The following DYNC1I1 variants were observed in gnomAD, a reference collection of about 807,000 sequenced individuals.
The protein encoded by DYNC1I1 is dynein cytoplasmic 1 intermediate chain 1, also known as cytoplasmic dynein 1 intermediate chain 1.
A neutral mutation model predicts 86.6 loss-of-function variants in DYNC1I1; 43 were observed. The ratio of observed to expected loss-of-function variants is 0.50; its 90% CI spans 0.39 to 0.64. The LOEUF (loss-of-function observed/expected upper bound fraction) is 0.64, where lower values mean the gene tolerates loss of function less well. Ranked by LOEUF, DYNC1I1 falls within the 30% of genes least tolerant of loss-of-function variation. The pLI, the probability that DYNC1I1 is intolerant of heterozygous loss-of-function variation, is 0.00. For synonymous variants in DYNC1I1, 262 were observed against 283.7 expected, an observed-to-expected ratio of 0.92 and a Z score of 0.77; for missense variants, 604 against 788.8, an observed-to-expected ratio of 0.77 and a Z score of 2.81.
chr7:95,820,830 G>A (rs943728605), intron 4 of DYNC1I1, among the ~76,000 whole-genome samples: 9 of 152,208 alleles, frequency 5.9e-5, no homozygotes, highest in Non-Finnish European at 1.2e-4. Context: ...CTCCTGCCTC[G>A]GCCTCCCAAA....
At chr7:95,776,048 C>G (rs1054599894) in intron 1 of DYNC1I1, among the ~76,000 whole-genome samples, 1 of 152,130 alleles carries the variant, frequency 6.6e-6, no homozygotes, top group Admixed American at 6.6e-5. Context: ...GAGTTAGAGA[C>G]CAGGCTGGAG....
At chr7:95,992,516 C>G (rs73397053) in intron 9 of DYNC1I1, among the ~76,000 whole-genome samples, 2,148 of 152,236 alleles carry the variant, frequency 0.014, 46 homozygotes, top group African/African-American at 0.049. Context: ...AATGAGTAAA[C>G]CATTGCCTAC....
chr7:95,879,384 T>G lies in DYNC1I1; in HGVS notation c.490+9386T>G, dbSNP rs937788578. Reference sequence around the variant, plus strand: ...TACAGAAATTCTCCATTGTTCTTTTTTTTTGCTGAAATCCTGTAGTCTATA... The same window carrying G: ...TACAGAAATTCTCCATTGTTCTTTTGTTTTGCTGAAATCCTGTAGTCTATA... On this transcript the variant is annotated intron_variant, in intron 6 of 16. Coordinates refer to ENST00000447467, the MANE Select transcript of DYNC1I1 (RefSeq NM_001135556.2). Among the ~76,000 whole-genome samples the G allele has an allele frequency of 2.8e-4, 43 of 152,124 alleles. 1 individual carries two copies. The highest frequency in any genetic ancestry group is 5.4e-4 in the Non-Finnish European group (37 of 68,000).
chr7:95,875,186 T>C (rs1790277444), intron 6 of DYNC1I1, among the ~76,000 whole-genome samples: 1 of 152,220 alleles, frequency 6.6e-6, no homozygotes, highest in African/African-American at 2.4e-5. Flanking sequence ...GATCTATTTT[T>C]ATATCCTTCC....
chr7:96,043,636 G>A (rs554581078), intron 14 of DYNC1I1, among the ~76,000 whole-genome samples: 1 of 151,902 alleles, frequency 6.6e-6, no homozygotes, highest in African/African-American at 2.4e-5. Context: ...GCAACCAGGT[G>A]AAAAACTTTA....
intron 6 of DYNC1I1, among the ~76,000 whole-genome samples, chr7:95,946,124 G>A (rs1377140945): frequency 6.6e-6 from 1 of 151,980 alleles, no homozygotes. Flanking sequence ...GATGCAGGGA[G>A]GGGAACAACA....
At chr7:95,863,939 C>A (rs1789955055) in intron 5 of DYNC1I1, among the ~76,000 whole-genome samples, 1 of 152,154 alleles carries the variant, frequency 6.6e-6, no homozygotes, top group African/African-American at 2.4e-5. Flanking sequence ...AAATATCATT[C>A]ACGTTTTTCT....
In DYNC1I1 at chr7:95,959,973, T is replaced by C. The variant is rs142400088; in HGVS notation, c.491-17539T>C. Among the ~76,000 whole-genome samples, 789 of 152,316 alleles carry C rather than the reference T, an allele frequency of 5.2e-3. 9 individuals carry two copies. Among genetic ancestry groups the C allele is most frequent in the African/African-American group, 0.017 (720 of 41,576 alleles). On this transcript the variant is annotated intron_variant, in intron 6 of 16. Transcript: ENST00000447467. ...GCATGTAGATTAAATGGTTGAAATA[T>C]AGATTCCCCTAAGCGGACTTGTGCA... is the stretch of plus-strand genomic sequence containing the variant.
At chr7:96,029,398 A>G (rs1794755856) in intron 11 of DYNC1I1, among the ~76,000 whole-genome samples, 1 of 152,158 alleles carries the variant, frequency 6.6e-6, no homozygotes, top group East Asian at 1.9e-4. Flanking sequence ...GTGTGAAACC[A>G]TGCCTTGGCC....
chr7:95,795,507 C>T (rs1375664741), intron 1 of DYNC1I1, among the ~76,000 whole-genome samples: 2 of 152,088 alleles, frequency 1.3e-5, no homozygotes, highest in African/African-American at 2.4e-5. Flanking sequence ...TAATGGTAGA[C>T]TGGATAAAGA....
intron 6 of DYNC1I1, among the ~76,000 whole-genome samples, chr7:95,892,544 C>T (rs1157803469): frequency 2.0e-5 from 3 of 152,182 alleles, no homozygotes; most frequent in African/African-American, 7.2e-5. Flanking sequence ...ATCTCCTGAC[C>T]TCATGATCCT....
intron 6 of DYNC1I1, among the ~76,000 whole-genome samples, chr7:95,930,756 G>A (rs1372682922): frequency 6.6e-6 from 1 of 152,172 alleles, no homozygotes; most frequent in East Asian, 1.9e-4. Flanking sequence ...TGTCCGTAAA[G>A]TCCTCACTAC....
At chr7:95,779,830 C>G (rs774029371) in intron 1 of DYNC1I1, among the ~76,000 whole-genome samples, 1 of 152,136 alleles carries the variant, frequency 6.6e-6, no homozygotes, top group African/African-American at 2.4e-5. Flanking sequence ...TGAAATGTAG[C>G]GCCCATTTTG....
intron 6 of DYNC1I1, among the ~76,000 whole-genome samples, chr7:95,971,943 G>A (rs1486808316): frequency 3.3e-5 from 5 of 152,138 alleles, no homozygotes; most frequent in Non-Finnish European, 7.3e-5. Flanking sequence ...GGCAGATGGA[G>A]GAGCCACAGT....
At chr7:95,883,182 C>G (rs1790500506) in intron 6 of DYNC1I1, among the ~76,000 whole-genome samples, 1 of 152,124 alleles carries the variant, frequency 6.6e-6, no homozygotes, top group African/African-American at 2.4e-5. Flanking sequence ...TAACATCTTG[C>G]AATAATTTAT....
chr7:95,926,519 A>G (rs1791750008), intron 6 of DYNC1I1, among the ~76,000 whole-genome samples: 1 of 152,190 alleles, frequency 6.6e-6, no homozygotes, highest in African/African-American at 2.4e-5. Flanking sequence ...TTATTTCTGA[A>G]TGTTAGAATT....
intron 5 of DYNC1I1, among the ~76,000 whole-genome samples, chr7:95,867,486 T>A (rs1790044280): frequency 6.6e-6 from 1 of 152,198 alleles, no homozygotes; most frequent in South Asian, 2.1e-4. Context: ...TCAGAATGAG[T>A]GCATGACATC....
At chr7:96,099,604 G>A (rs1791096267), downstream of DYNC1I1, among the ~76,000 whole-genome samples, 1 of 152,112 alleles carries the variant, frequency 6.6e-6, no homozygotes, top group African/African-American at 2.4e-5. Flanking sequence ...GGTTGCAGAT[G>A]GCTATCTTCT....
intron 6 of DYNC1I1, among the ~76,000 whole-genome samples, chr7:95,892,800 C>T (rs771346347): frequency 3.9e-5 from 6 of 152,122 alleles, no homozygotes; most frequent in Non-Finnish European, 7.3e-5. Flanking sequence ...ATGGAAATAA[C>T]ATTAGCAATA....
Sources: allele counts gnomAD v4.1 joint callset (sites outside exome capture counted in the v4.1 genomes callset), GRCh38; gene constraint gnomAD v4.1.1; transcripts MANE v1.5; gene names NCBI Gene and HGNC (gene_info 2026-07-23, HGNC 2026-07-21).